Variants in FAM184A observed in about 807,000 individuals in gnomAD.
FAM184A encodes family with sequence similarity 184 member A.
A neutral mutation model predicts 143.8 loss-of-function variants in FAM184A; 99 were observed. The observed-to-expected ratio is 0.69, with a 90% CI of 0.58 to 0.81. FAM184A has a LOEUF of 0.81. FAM184A is among the 40% of genes least tolerant of loss of function. The pLI is 0.00. For missense variants in FAM184A, 1,217 were observed against 1,310.5 expected (o/e 0.93, Z 1.10); for synonymous variants, 427 against 446.4 (o/e 0.96, Z 0.55).
chr6:119,120,718 G>A (rs760339912), intron 1 of FAM184A, among the ~76,000 whole-genome samples: 2 of 151,770 alleles, frequency 1.3e-5, no homozygotes, highest in African/African-American at 2.4e-5. Context: ...ATAGGATCTA[G>A]TGGCAGAGCT....
intron 1 of FAM184A, among the ~76,000 whole-genome samples, chr6:119,110,163 C>A (rs553115273): frequency 6.6e-6 from 1 of 152,108 alleles, no homozygotes; most frequent in Non-Finnish European, 1.5e-5. Context: ...CCCAGGGATC[C>A]TGGGGCACCT....
chr6:118,996,881 AT>A (rs571005695), intron 9 of FAM184A, among the ~76,000 whole-genome samples: 1,398 of 138,754 alleles, frequency 0.01, 9 homozygotes, highest in African/African-American at 0.024. Flanking sequence ...TGCCTGGCTA[AT>A]TTTTTTTTTT....
intron 1 of FAM184A, among the ~76,000 whole-genome samples, chr6:119,094,628 A>G (rs12201896): frequency 0.079 from 11,959 of 152,202 alleles, 628 homozygotes; most frequent in East Asian, 0.24. Flanking sequence ...ACTACACCAG[A>G]TATTACTGTC....
intron 1 of FAM184A, among the ~76,000 whole-genome samples, chr6:119,087,368 A>G (rs1284257072): frequency 6.6e-6 from 1 of 152,232 alleles, no homozygotes; most frequent in Non-Finnish European, 1.5e-5. Context: ...TCCAGAGCAT[A>G]TAAAGAATTT....
upstream of FAM184A, among the ~76,000 whole-genome samples, chr6:119,081,721 G>A (rs996726628): frequency 3.9e-5 from 6 of 152,172 alleles, no homozygotes; most frequent in African/African-American, 1.4e-4. Flanking sequence ...CCTGGAGTTG[G>A]GCCACTCGAC....
chr6:119,087,088 C>A (rs930958442), intron 1 of FAM184A, among the ~76,000 whole-genome samples: 1 of 152,078 alleles, frequency 6.6e-6, no homozygotes, highest in Non-Finnish European at 1.5e-5. Flanking sequence ...ATTTTTTAGG[C>A]CTTCCCAAAT....
chr6:119,034,568 T>TG (rs199828091), intron 1 of FAM184A, among the ~76,000 whole-genome samples: 1,725 of 81,160 alleles, frequency 0.021, 32 homozygotes, highest in African/African-American at 0.065. Flanking sequence ...AATATATAGT[T>TG]TTTTTTTTTT....
chr6:119,138,200 T>C (rs1346447047), intron 1 of FAM184A, among the ~76,000 whole-genome samples: 1 of 152,210 alleles, frequency 6.6e-6, no homozygotes, highest in Non-Finnish European at 1.5e-5. Context: ...GTGAGATATG[T>C]GAGCTACCCA....
At chr6:118,972,804 G>A (rs1484511491) in intron 14 of FAM184A, among the ~76,000 whole-genome samples, 1 of 152,110 alleles carries the variant, frequency 6.6e-6, no homozygotes, top group African/African-American at 2.4e-5. Flanking sequence ...CATGAAGTGG[G>A]GGATGCCAAG....
intron 1 of FAM184A, among the ~76,000 whole-genome samples, chr6:119,043,689 G>A (rs540309837): frequency 6.6e-6 from 1 of 152,208 alleles, no homozygotes; most frequent in Non-Finnish European, 1.5e-5. Flanking sequence ...GCTGGGGAAA[G>A]AGAAAAAAAG....
At chr6:119,069,828 T>C (rs948396052) in intron 1 of FAM184A, among the ~76,000 whole-genome samples, 1 of 152,172 alleles carries the variant, frequency 6.6e-6, no homozygotes, top group Non-Finnish European at 1.5e-5. Context: ...AAATAATTCA[T>C]TCTCTAATAA....
intron 1 of FAM184A, among the ~76,000 whole-genome samples, chr6:119,124,092 T>C: frequency 6.6e-6 from 1 of 152,342 alleles, no homozygotes. Flanking sequence ...TTTTTTTAAA[T>C]TTAAAATATT....
At chr6:119,126,809 T>C (rs765610964) in intron 1 of FAM184A, among the ~76,000 whole-genome samples, 9 of 152,020 alleles carry the variant, frequency 5.9e-5, no homozygotes, top group Non-Finnish European at 1.0e-4. Flanking sequence ...ATAGTAAATG[T>C]GGGGGATTTT....
At chr6:119,127,187 T>C (rs1178297716) in intron 1 of FAM184A, among the ~76,000 whole-genome samples, 2 of 152,254 alleles carry the variant, frequency 1.3e-5, no homozygotes, top group East Asian at 1.9e-4. Flanking sequence ...CCCACCCTTT[T>C]ATGCCTAGAA....
At chr6:119,091,017 C>A (rs916826968) in intron 1 of FAM184A, among the ~76,000 whole-genome samples, 3 of 152,126 alleles carry the variant, frequency 2.0e-5, no homozygotes, top group Non-Finnish European at 4.4e-5. Flanking sequence ...AATTACCTTG[C>A]CAGTATGAAA....
intron 1 of FAM184A, among the ~76,000 whole-genome samples, chr6:119,125,903 T>C (rs2011196027): frequency 6.6e-6 from 1 of 152,200 alleles, no homozygotes; most frequent in African/African-American, 2.4e-5. Flanking sequence ...GTAGTTTCAG[T>C]GTAGAGGGTC....
chr6:119,002,839 T>A, intron 9 of FAM184A, 60 bp downstream of exon 9: 2 of 1,412,248 alleles, frequency 1.4e-6, no homozygotes, highest in East Asian at 4.9e-5. Flanking sequence ...TTTACAATAT[T>A]TGCCTAGCCA....
rs1419539373 is a variant in FAM184A at position 119,096,408 on chromosome 6, G to A, written c.-202+52670C>T. 2.2e-4 allele frequency among the ~76,000 whole-genome samples: 7 copies of A among 31,646 alleles called. 3 individuals carry two copies. Among genetic ancestry groups the A allele is most frequent in the Non-Finnish European group, 3.3e-4 (5 of 15,190 alleles). The allele number at this position is 31,646 out of a possible 152,430, so 20.8% of individuals were successfully genotyped here. On this transcript the variant is annotated intron_variant, in intron 1 of 16. Coordinates refer to the FAM184A transcript ENST00000352896. ...TCCCAGCACTTTGGGAGGCCGAGGC[G>A]GGTGGATCATGAGGTCAGGAGATCG...
chr6:119,100,016 C>G (rs1199436270), intron 1 of FAM184A, among the ~76,000 whole-genome samples: 1 of 152,082 alleles, frequency 6.6e-6, no homozygotes, highest in Non-Finnish European at 1.5e-5. Flanking sequence ...GGGACTGAGC[C>G]CTCAACCTGT....
Sources: gnomAD v4.1 joint callset for allele counts (sites outside exome capture counted in the v4.1 genomes callset) on GRCh38, gnomAD v4.1.1 for gene constraint, MANE v1.5 for transcripts, NCBI Gene and HGNC (gene_info 2026-07-23, HGNC 2026-07-21) for gene names.